NCAM2: variants seen among roughly 807,000 people sequenced by gnomAD.
NCAM2 encodes the protein N-CAM-2.
In NCAM2, 30 loss-of-function variants were observed where a neutral mutation model predicts 98.1. The ratio of observed to expected loss-of-function variants is 0.31; its 90% CI spans 0.23 to 0.41. The LOEUF is 0.41. NCAM2 is among the 10% of genes least tolerant of loss of function. The probability of loss-of-function intolerance (pLI) is 1.00; values close to 1 mark genes in which losing one functional copy is unlikely to be tolerated. For synonymous variants in NCAM2, 368 were observed against 342.4 expected (o/e 1.07, Z -0.83); for missense variants, 867 against 1,005.8 (o/e 0.86, Z 1.87).
At chr21:21,514,472 C>CAAAAA (rs56710788) in intron 16 of NCAM2, among the ~76,000 whole-genome samples, 104 of 127,706 alleles carry the variant, frequency 8.1e-4, no homozygotes, top group Non-Finnish European at 1.2e-3. Flanking sequence ...TCTCAAAAAA[C>CAAAAA]AAAAAAAAAA....
chr21:21,153,205 T>C (rs2067499676), intron 1 of NCAM2, among the ~76,000 whole-genome samples: 1 of 151,290 alleles, frequency 6.6e-6, no homozygotes, highest in South Asian at 2.1e-4. Flanking sequence ...GTATTAGTAA[T>C]TGGGTGCCTT....
At chr21:21,533,081 A>T (rs547406670) in intron 16 of NCAM2, among the ~76,000 whole-genome samples, 11 of 146,818 alleles carry the variant, frequency 7.5e-5, no homozygotes, top group Non-Finnish European at 1.3e-4. Context: ...AGTGTTTTAT[A>T]TCCTTAGTGT....
chr21:21,113,342 G>C (rs2146534845), intron 1 of NCAM2, among the ~76,000 whole-genome samples: 1 of 152,072 alleles, frequency 6.6e-6, no homozygotes, highest in Middle Eastern at 3.4e-3. Context: ...GAGGGGAAAA[G>C]CCAATTTCAT....
chr21:21,452,508 A>G (rs1221398163), intron 12 of NCAM2, among the ~76,000 whole-genome samples: 3 of 131,946 alleles, frequency 2.3e-5, no homozygotes, highest in African/African-American at 8.5e-5. Context: ...TATATAATAT[A>G]TAATATATAA....
At chr21:21,429,239 C>A (rs2077278266) in intron 11 of NCAM2, among the ~76,000 whole-genome samples, 1 of 152,138 alleles carries the variant, frequency 6.6e-6, no homozygotes, top group African/African-American at 2.4e-5. Flanking sequence ...TGGCTTTGTG[C>A]TGAAAGAAAA....
intron 11 of NCAM2, among the ~76,000 whole-genome samples, chr21:21,421,981 C>T (rs1211060044): frequency 2.0e-5 from 3 of 152,028 alleles, no homozygotes; most frequent in African/African-American, 7.2e-5. Flanking sequence ...ATAACTTAGC[C>T]CTACATCGGA....
At chr21:21,486,326 A>AAAAAC (rs1986381064) in intron 15 of NCAM2, among the ~76,000 whole-genome samples, 2 of 151,050 alleles carry the variant, frequency 1.3e-5, no homozygotes, top group Non-Finnish European at 3.0e-5. Flanking sequence ...AAAAAAAAAA[A>AAAAAC]AACTTCTGCT....
chr21:21,476,051 A>G (rs985650859), intron 14 of NCAM2, among the ~76,000 whole-genome samples: 1 of 152,176 alleles, frequency 6.6e-6, no homozygotes, highest in Non-Finnish European at 1.5e-5. Flanking sequence ...TTTAGAGAAC[A>G]AATACTTAAT....
chr21:21,264,941 G>C (rs1286033466), intron 1 of NCAM2, among the ~76,000 whole-genome samples: 2 of 10,462 alleles, frequency 1.9e-4, no homozygotes, highest in Non-Finnish European at 4.7e-4. Context: ...ATATATGTGT[G>C]TGTATATATA....
intron 1 of NCAM2, among the ~76,000 whole-genome samples, chr21:21,263,431 A>G (rs567400375): frequency 3.3e-5 from 5 of 152,250 alleles, no homozygotes; most frequent in Admixed American, 2.6e-4. Context: ...TAAAATAACA[A>G]TACTTTCCAA....
rs547937847 is a variant in NCAM2, at chr21:21,321,147, C to T, written c.620-3236C>T. ...GGACACACAGCCCTAAATGTAAAAT[C>T]ATTTTTCTGATGATTAGTGATAACG... On this transcript the variant is annotated intron_variant, in intron 5 of 17. Coordinates refer to ENST00000400546, the MANE Select transcript of NCAM2 (RefSeq NM_004540.5). 3.9e-5 allele frequency among the ~76,000 whole-genome samples: 6 copies of T among 152,258 alleles called. No homozygotes were observed. In the South Asian group the frequency reaches 1.2e-3, roughly 32 times the overall value.
At chr21:21,264,493 C>CAGTA (rs1249973135) in intron 1 of NCAM2, among the ~76,000 whole-genome samples, 14 of 151,760 alleles carry the variant, frequency 9.2e-5, no homozygotes, top group African/African-American at 3.4e-4. Context: ...TTCCATTATT[C>CAGTA]AGTACCTAAG....
Position 21,249,543 on chromosome 21 carries a change from C to T in NCAM2, c.56-31035C>T, listed in dbSNP as rs536955154. Reference sequence around the variant, plus strand: ...AAATTTGGATGTGTCTTACAGCCACCGTGTACTTCAGTCAAGTCACATTTT... The same window carrying T: ...AAATTTGGATGTGTCTTACAGCCACTGTGTACTTCAGTCAAGTCACATTTT... On this transcript the variant is annotated intron_variant, in intron 1 of 17. Transcript: ENST00000400546. Among the ~76,000 whole-genome samples, 13 of 152,188 alleles carry T rather than the reference C, an allele frequency of 8.5e-5. 2 individuals are homozygous for T. The East Asian group carries it at 1.9e-3, about 23-fold the overall frequency.
intron 1 of NCAM2, among the ~76,000 whole-genome samples, chr21:21,031,836 ACACG>A (rs1476524011): frequency 6.6e-5 from 10 of 152,056 alleles, no homozygotes; most frequent in East Asian, 1.9e-4. Flanking sequence ...ACACTCACAC[ACACG>A]TGTGCTTGTG....
rs1410724109 is a variant in NCAM2 at position 21,541,296 on chromosome 21, T to G, written c.*3339T>G. On this transcript the variant is annotated 3_prime_UTR_variant, in exon 18 of 18. Transcript: ENST00000400546. ...CATTACTAGTATATTTTGCTTAGATTTGAGATACTCAAATGATGCTGTCTT... is the reference window on the plus strand; with the variant it reads ...CATTACTAGTATATTTTGCTTAGATGTGAGATACTCAAATGATGCTGTCTT... 1 of 151,628 alleles carries G rather than the reference T, an allele frequency of 6.6e-6. No individual in the cohort carries two copies. The highest frequency in any genetic ancestry group is 1.5e-5 in the Non-Finnish European group (1 of 67,708). 9.4% of individuals were successfully genotyped at this position (151,628 alleles called of 1,614,324 possible).
intron 1 of NCAM2, among the ~76,000 whole-genome samples, chr21:21,191,722 A>G (rs1013832260): frequency 3.3e-5 from 5 of 152,154 alleles, no homozygotes; most frequent in African/African-American, 4.8e-5. Context: ...TTTATTCTAC[A>G]TCCTCAGTAT....
At position 21,077,663 on chromosome 21, in the gene NCAM2, T is replaced by C. The variant is rs146367695; in HGVS notation, c.55+79045T>C. Reference sequence around the variant, plus strand: ...TCTCCTGGAAGAGTAAATAAAATAGTCTAAACAAATAGAGGCAGTAACTCA... The same window carrying C: ...TCTCCTGGAAGAGTAAATAAAATAGCCTAAACAAATAGAGGCAGTAACTCA... On this transcript the variant is annotated intron_variant, in intron 1 of 17. Transcript: ENST00000400546. 9.2e-5 allele frequency among the ~76,000 whole-genome samples: 14 copies of C among 152,282 alleles called. No individual in the cohort carries two copies. In the East Asian group the frequency reaches 2.7e-3, roughly 29 times the overall value.
At chr21:21,055,882 C>G (rs925178266) in intron 1 of NCAM2, among the ~76,000 whole-genome samples, 26 of 152,144 alleles carry the variant, frequency 1.7e-4, no homozygotes, top group African/African-American at 6.0e-4. Flanking sequence ...AATCCATGTT[C>G]GGTAATTAGT....
Position 21,122,873 on chromosome 21 carries a change from G to A in NCAM2, c.55+124255G>A, listed in dbSNP as rs144702589. On this transcript the variant is annotated intron_variant, in intron 1 of 17. Coordinates refer to ENST00000400546, the MANE Select transcript of NCAM2 (RefSeq NM_004540.5). ...AGCTACAACTCTTGACAGGAGGTTG[G>A]CAGAGCTGTGGTGCAAACTATCTAT... Among the ~76,000 whole-genome samples, 347 of 152,258 alleles carry A rather than the reference G, an allele frequency of 2.3e-3. 1 individual carries two copies. Among genetic ancestry groups the A allele is most frequent in the African/African-American group, 8.3e-3 (343 of 41,560 alleles).
Sources: allele counts gnomAD v4.1 joint callset (sites outside exome capture counted in the v4.1 genomes callset), GRCh38; gene constraint gnomAD v4.1.1; transcripts MANE v1.5; gene names NCBI Gene and HGNC (gene_info 2026-07-23, HGNC 2026-07-21).